Variants in AKAP9 observed in about 807,000 individuals in gnomAD.
AKAP9 encodes A-kinase anchor protein 9.
AKAP9 carries 311 observed loss-of-function variants against 488.5 expected under a neutral mutation model. That is an observed-to-expected ratio of 0.64 (90% CI 0.58 to 0.70). The LOEUF (loss-of-function observed/expected upper bound fraction) is 0.70. Ranked by LOEUF, AKAP9 falls within the 30% of genes least tolerant of loss-of-function variation. The pLI is 0.00. For synonymous variants in AKAP9, 1,462 were observed against 1,483.5 expected, an observed-to-expected ratio of 0.99 and a Z score of 0.33; for missense variants, 4,215 against 4,374.5, an observed-to-expected ratio of 0.96 and a Z score of 1.03.
intron 1 of AKAP9, among the ~76,000 whole-genome samples, chr7:91,973,343 C>G (rs1382739357): frequency 6.6e-6 from 1 of 152,140 alleles, no homozygotes; most frequent in East Asian, 1.9e-4. Flanking sequence ...CTACTGCACT[C>G]CAGCCTGGAT....
At chr7:92,101,674 A>G (rs1023618241) in intron 45 of AKAP9, among the ~76,000 whole-genome samples, 11 of 152,158 alleles carry the variant, frequency 7.2e-5, no homozygotes, top group African/African-American at 2.7e-4. Flanking sequence ...AAGCTCTACT[A>G]TTGTCAATGT....
chr7:92,033,501 A>G (rs536037027), intron 16 of AKAP9, among the ~76,000 whole-genome samples: 150 of 140,084 alleles, frequency 1.1e-3, no homozygotes, highest in African/African-American at 4.0e-3. Context: ...GCTGGAGTAC[A>G]GTGGCGCAAT....
In AKAP9 at chr7:91,982,751, C is replaced by T. The variant is rs530528866; in HGVS notation, c.351+2418C>T. ...CAGATGGTATTTCTAGTTCTAGATC[C>T]TTGAGGAATTGTCACACTGTCTTCC... On this transcript the variant is annotated intron_variant, in intron 3 of 49. Coordinates refer to ENST00000356239, the MANE Select transcript of AKAP9 (RefSeq NM_005751.5). Among the ~76,000 whole-genome samples, 9 of 152,286 alleles carry T rather than the reference C, an allele frequency of 5.9e-5. No homozygotes were observed. The South Asian group carries it at 8.3e-4, about 14-fold the overall frequency.
At chr7:92,036,436 C>T (rs1805213717) in intron 16 of AKAP9, among the ~76,000 whole-genome samples, 1 of 152,050 alleles carries the variant, frequency 6.6e-6, no homozygotes, top group South Asian at 2.1e-4. Context: ...CCTGGAGTAG[C>T]TCACCACACC....
chr7:91,976,905 T>C (rs2130575071), intron 2 of AKAP9, among the ~76,000 whole-genome samples: 1 of 152,334 alleles, frequency 6.6e-6, no homozygotes, highest in East Asian at 1.9e-4. Context: ...AATTTTGTTT[T>C]GTTTTGTTTT....
chr7:92,089,105 TCA>T (rs1370099989), intron 37 of AKAP9, among the ~76,000 whole-genome samples: 1 of 152,166 alleles, frequency 6.6e-6, no homozygotes, highest in Non-Finnish European at 1.5e-5. Flanking sequence ...GCTCTGTATA[TCA>T]CATAATAGTA....
chr7:91,978,344 A>G (rs1376986344), intron 2 of AKAP9, among the ~76,000 whole-genome samples: 2 of 152,206 alleles, frequency 1.3e-5, no homozygotes, highest in African/African-American at 4.8e-5. Context: ...CTCAGTTACT[A>G]CTTCATGGAG....
chr7:92,045,208 C>G lies in AKAP9; in HGVS notation c.5363C>G (p.Thr1788Arg), dbSNP rs757844124. Reference protein sequence around the residue: ...SVKSCVHEEHTRVTDESIPSY... With the variant: ...SVKSCVHEEHRRVTDESIPSY... ...AAGTCATGTGTCCATGAGGAACATA[C>G]AAGAGGTACTAGTTTTCTGTGTTGT... Residue 1788 changes from threonine to arginine, a missense_variant, in exon 21 of 50, where the codon ACA (threonine) becomes AGA (arginine). Physicochemically the swap from Thr to Arg is moderately conservative, Grantham distance 71. Transcript: ENST00000356239. 1 of 1,613,374 alleles carries G rather than the reference C, an allele frequency of 6.2e-7. No homozygotes were observed. The highest frequency in any genetic ancestry group is 8.5e-7 in the Non-Finnish European group (1 of 1,179,544).
rs767890689 is a variant in AKAP9 at position 92,002,327 on chromosome 7, A to G, written c.2410A>G (p.Ile804Val). ...TCCTGTTAGCCAAGAAGAAAGATTG[A>G]TTTTCTTAGACTCCATTAAGTCCAA... is the stretch of plus-strand genomic sequence containing the variant. ...HTPVSQEERL[I>V]FLDSIKSKSK... Residue 804 changes from isoleucine (I) to valine (V), a missense_variant, in exon 8 of 50, where the codon ATT becomes GTT. By Grantham distance (29) the Ile-to-Val change is conservative. Transcript: ENST00000356239. 4 of 1,612,976 alleles carry G rather than the reference A, an allele frequency of 2.5e-6. No homozygotes were observed. Among genetic ancestry groups the G allele is most frequent in the Non-Finnish European group, 3.4e-6 (4 of 1,179,362 alleles).
intron 28 of AKAP9, among the ~76,000 whole-genome samples, chr7:92,074,989 A>G (rs1563094004): frequency 6.6e-6 from 1 of 152,196 alleles, no homozygotes; most frequent in Admixed American, 6.5e-5. Context: ...CTGCACATGT[A>G]TCCCAGAAAA....
intron 1 of AKAP9, among the ~76,000 whole-genome samples, chr7:91,969,706 C>T (rs1053765492): frequency 3.9e-5 from 6 of 152,190 alleles, no homozygotes; most frequent in African/African-American, 1.2e-4. Context: ...CCTATTTTAT[C>T]TGATACAAGT....
intron 1 of AKAP9, among the ~76,000 whole-genome samples, chr7:91,971,983 T>TC (rs1795150425): frequency 2.1e-5 from 1 of 47,098 alleles, no homozygotes; most frequent in African/African-American, 1.4e-4. Context: ...TTTGCCTCTC[T>TC]TTTTTTTTTT....
chr7:92,042,271 T>C, intron 19 of AKAP9, 85 bp downstream of exon 19: 1 of 1,561,888 alleles, frequency 6.4e-7, no homozygotes. Context: ...ATGAGATGTA[T>C]TCTTTTATAG....
Position 92,105,570 on chromosome 7 carries a change from T to C in AKAP9, c.11331-108T>C, listed in dbSNP as rs1472110793. 6 of 838,994 alleles carry C rather than the reference T, an allele frequency of 7.2e-6. No individual in the cohort carries two copies. The East Asian group carries it at 1.5e-4, about 21-fold the overall frequency. 52.0% of individuals were successfully genotyped at this position (838,994 alleles called of 1,614,324 possible). ...TAGTTTAACTGGGCAATTGTGAAATTTGACATTTGTTCTATGTTCATATTT... is the reference window on the plus strand; with the variant it reads ...TAGTTTAACTGGGCAATTGTGAAATCTGACATTTGTTCTATGTTCATATTT... On this transcript the variant is annotated intron_variant, in intron 46 of 49. Transcript: ENST00000356239.
intron 7 of AKAP9, among the ~76,000 whole-genome samples, chr7:91,999,152 AT>A (rs1019157890): frequency 1.3e-4 from 19 of 151,642 alleles, no homozygotes; most frequent in Admixed American, 1.1e-3. Flanking sequence ...CAGAAGTCTG[AT>A]TTTTTTTTCC....
intron 28 of AKAP9, among the ~76,000 whole-genome samples, chr7:92,076,488 A>G (rs552045386): frequency 5.8e-4 from 89 of 152,330 alleles, no homozygotes; most frequent in Non-Finnish European, 1.2e-3. Flanking sequence ...CAACTTTTCT[A>G]GGCCTTTTGA....
At chr7:91,968,113 AT>A (rs1794637756) in intron 1 of AKAP9, among the ~76,000 whole-genome samples, 1 of 151,856 alleles carries the variant, frequency 6.6e-6, no homozygotes, top group Non-Finnish European at 1.5e-5. Context: ...AATTTTTTGT[AT>A]TTTGGTAGAG....
intron 2 of AKAP9, among the ~76,000 whole-genome samples, chr7:91,975,953 G>A (rs570733415): frequency 3.0e-5 from 4 of 133,166 alleles, no homozygotes; most frequent in East Asian, 4.1e-4. Context: ...ACAAAGTCTC[G>A]CTTTGACTTT....
intron 28 of AKAP9, among the ~76,000 whole-genome samples, chr7:92,074,545 A>C (rs537615068): frequency 6.6e-6 from 1 of 152,220 alleles, no homozygotes; most frequent in Non-Finnish European, 1.5e-5. Flanking sequence ...TCATTCTACT[A>C]TAAAGATACA....
Sources: allele counts gnomAD v4.1 joint callset (sites outside exome capture counted in the v4.1 genomes callset), GRCh38; gene constraint gnomAD v4.1.1; transcripts MANE v1.5; gene names NCBI Gene and HGNC (gene_info 2026-07-23, HGNC 2026-07-21).